VCAM1: variants seen among roughly 807,000 people sequenced by gnomAD.
VCAM1 encodes vascular cell adhesion molecule 1.
In VCAM1, 41 loss-of-function variants were observed where a neutral mutation model predicts 63.8. That is an observed-to-expected ratio of 0.64 (90% CI 0.50 to 0.83). VCAM1 has a LOEUF of 0.83. Among genes scored for constraint, VCAM1 ranks in the 40% least tolerant of loss-of-function variants. VCAM1 has a pLI of 0.00. For missense variants in VCAM1, 798 were observed against 875.5 expected (o/e 0.91, Z 1.12); for synonymous variants, 338 against 320.7 (o/e 1.05, Z -0.58).
Position 100,738,258 on chromosome 1 carries a change from T to C in VCAM1, c.2195T>C (p.Val732Ala), listed in dbSNP as rs1660730199. The C allele has an allele frequency of 6.2e-7, 1 of 1,613,456 alleles. No individual in the cohort carries two copies. Among genetic ancestry groups the C allele is most frequent in the Non-Finnish European group, 8.5e-7 (1 of 1,179,666 alleles). The change falls in exon 9 of 9, where the codon GTA becomes GCA. Residue 732 changes from valine (V) to alanine (A), a missense_variant. Coordinates refer to ENST00000294728, the MANE Select transcript of VCAM1 (RefSeq NM_001078.4). ...KANMKGSYSL[V>A]EAQKSKV ...AACATGAAGGGGTCATATAGTCTTGTAGAAGCACAGAAGTCAAAAGTGTAG... is the reference window on the plus strand; with the variant it reads ...AACATGAAGGGGTCATATAGTCTTGCAGAAGCACAGAAGTCAAAAGTGTAG...
In VCAM1 at chr1:100,729,127, A is replaced by G. The variant is rs758576380; in HGVS notation, c.949A>G (p.Ile317Val). The G allele has an allele frequency of 7.0e-6, 11 of 1,568,486 alleles. No homozygotes were observed. The highest frequency in any genetic ancestry group is 9.5e-6 in the Non-Finnish European group (11 of 1,154,770). ...IVQEKPFTVEISPGPRIAAQI... is the reference protein window; with the variant it reads ...IVQEKPFTVEVSPGPRIAAQI... Reference sequence around the variant, plus strand: ...CCCAGAGAAACCATTTACTGTTGAGATCTCCCCTGGACCCCGGATTGCTGC... The same window carrying G: ...CCCAGAGAAACCATTTACTGTTGAGGTCTCCCCTGGACCCCGGATTGCTGC... Residue 317 changes from isoleucine (I) to valine (V), a missense_variant, in exon 5 of 9, where the codon ATC (isoleucine) becomes GTC (valine). Physicochemically the swap from Ile to Val is conservative, Grantham distance 29 (BLOSUM62 3). Transcript: ENST00000294728.
Position 100,734,666 on chromosome 1 carries a change from T to C in VCAM1, c.1957T>C (p.Tyr653His), listed in dbSNP as rs749389467. The C allele has an allele frequency of 1.2e-5, 20 of 1,613,860 alleles. No individual in the cohort carries two copies. Among genetic ancestry groups the C allele is most frequent in the Non-Finnish European group, 1.6e-5 (19 of 1,179,924 alleles). Residue 653 changes from tyrosine (Y) to histidine (H), a missense_variant, in exon 8 of 9, where the codon TAT becomes CAT. Transcript: ENST00000294728. ...AGTACTAAAATCTATAGATGGCGCC[T>C]ATACCATCCGAAAGGCCCAGTTGAA... ...DTVLKSIDGA[Y>H]TIRKAQLKDA...
intron 5 of VCAM1, 48 bp downstream of exon 5, chr1:100,729,430 T>G (rs1301829835): frequency 6.7e-7 from 1 of 1,495,128 alleles, no homozygotes; most frequent in Non-Finnish European, 8.9e-7. Context: ...TCAGTTCTAT[T>G]GGAAGAAAAA....
chr1:100,728,215 G>A (rs977693673), intron 4 of VCAM1, among the ~76,000 whole-genome samples: 4 of 152,004 alleles, frequency 2.6e-5, no homozygotes, highest in African/African-American at 9.7e-5. Flanking sequence ...CTCACATCTC[G>A]GCTTTCAGAC....
At chr1:100,722,875 T>A (rs1660002274) in intron 2 of VCAM1, 145 bp from the exon 3 acceptor site, 1 of 919,114 alleles carries the variant, frequency 1.1e-6, no homozygotes, top group African/African-American at 1.7e-5. Flanking sequence ...TCACCCCAAA[T>A]CATGAAAGGC....
In VCAM1 at chr1:100,723,237, T is replaced by C; in HGVS notation, c.558T>C (p.Ile186=). 1 of 1,613,030 alleles carries C rather than the reference T, an allele frequency of 6.2e-7. No homozygotes were observed. The highest frequency in any genetic ancestry group is 8.5e-7 in the Non-Finnish European group (1 of 1,179,386). ...TGGAAGTAACCTTTACTCCTGTCATTGAGGATATTGGAAAAGTTCTTGTTT... is the reference window on the plus strand; with the variant it reads ...TGGAAGTAACCTTTACTCCTGTCATCGAGGATATTGGAAAAGTTCTTGTTT... ...KSLEVTFTPV[I]EDIGKVLVCR... The change falls in exon 3 of 9, where the codon ATT becomes ATC. Residue 186 remains isoleucine (I), a synonymous_variant. Transcript: ENST00000294728.
Position 100,732,606 on chromosome 1 carries a change from G to A in VCAM1, c.1714G>A (p.Glu572Lys). ...ATLTLISTKMEDSGVYLCEGI... is the reference protein window; with the variant it reads ...ATLTLISTKMKDSGVYLCEGI... ...TCTCACCTTAATTTCTACAAAAATGGAAGATTCTGGGGTTTATTTATGTGA... is the reference window on the plus strand; with the variant it reads ...TCTCACCTTAATTTCTACAAAAATGAAAGATTCTGGGGTTTATTTATGTGA... Residue 572 changes from glutamate (E) to lysine (K), a missense_variant, in exon 7 of 9, where the codon GAA (glutamate) becomes AAA (lysine). Transcript: ENST00000294728. The A allele has an allele frequency of 1.2e-6, 2 of 1,613,278 alleles. No individual in the cohort carries two copies.
In VCAM1 at chr1:100,738,120, C is replaced by T. The variant is rs1660722115; in HGVS notation, c.2060-3C>T. The T allele has an allele frequency of 6.2e-7, 1 of 1,610,900 alleles. No individual in the cohort carries two copies. Among genetic ancestry groups the T allele is most frequent in the African/African-American group, 1.3e-5 (1 of 74,842 alleles). ...TAATTGCATCCATTTTGTTATTTTC[C>T]AGGAAGAGAAAACAACAAAGACTAT... is the stretch of plus-strand genomic sequence containing the variant. On this transcript the variant is annotated splice_region_variant and splice_polypyrimidine_tract_variant and intron_variant, in intron 8 of 8. Transcript: ENST00000294728.
At chr1:100,738,043 A>G in intron 8 of VCAM1, 80 bp from the exon 9 acceptor site, 1 of 1,472,282 alleles carries the variant, frequency 6.8e-7, no homozygotes, top group South Asian at 1.3e-5. Context: ...TTGTACTGTT[A>G]TAATAAACAT....
At chr1:100,721,314 G>T (rs3176859) in intron 2 of VCAM1, among the ~76,000 whole-genome samples, 2,465 of 151,198 alleles carry the variant, frequency 0.016, 79 homozygotes, top group East Asian at 0.13. Flanking sequence ...TTTTTTTTTG[G>T]TTTTTTTGGT....
Position 100,731,654 on chromosome 1 carries a change from G to T in VCAM1, c.1525+136G>T. 1 of 843,448 alleles carries T rather than the reference G, an allele frequency of 1.2e-6. No homozygotes were observed. Among genetic ancestry groups the T allele is most frequent in the Admixed American group, 3.0e-5 (1 of 33,848 alleles). The allele number at this position is 843,448 out of a possible 1,614,324, so 52.2% of individuals were successfully genotyped here. A position where few individuals can be genotyped will look rare whatever the true frequency, so the allele number is the denominator to read the frequency against. ...TACTGAAAAGAAATTTCAAAATAAT[G>T]ATGATTGTAACAAATCACCCTCCCT... On this transcript the variant is annotated intron_variant, in intron 6 of 8. Coordinates refer to ENST00000294728, the MANE Select transcript of VCAM1 (RefSeq NM_001078.4). This position sits in a 1 kb window ranked among gnomAD's most constrained non-coding sequence, Gnocchi z 4.2.
rs1660458888 is a variant in VCAM1 at position 100,731,564 on chromosome 1, A to T, written c.1525+46A>T. 6.6e-7 allele frequency: 1 copy of T among 1,525,298 alleles called. No individual in the cohort carries two copies. The highest frequency in any genetic ancestry group is 1.9e-5 in the Admixed American group (1 of 51,956). 94.5% of individuals were successfully genotyped at this position (1,525,298 alleles called of 1,614,324 possible). ...TCTACAGTTTAATACCTGTCTCTTT[A>T]TCGTGTTTGCCAGGCAATAGTTAAC... is the stretch of plus-strand genomic sequence containing the variant. On this transcript the variant is annotated intron_variant, in intron 6 of 8. Coordinates refer to ENST00000294728, the MANE Select transcript of VCAM1 (RefSeq NM_001078.4). The surrounding 1 kb of genome is among the most constrained non-coding windows in gnomAD (Gnocchi z 4.2).
chr1:100,725,270 C>T (rs1660122545), intron 4 of VCAM1, among the ~76,000 whole-genome samples: 1 of 151,872 alleles, frequency 6.6e-6, no homozygotes, highest in Admixed American at 6.6e-5. Context: ...AATTCATGTT[C>T]CAATTCCATG....
Position 100,738,900 on chromosome 1 carries a change from A to G in VCAM1, c.*617A>G, listed in dbSNP as rs1284126033. 2.0e-5 allele frequency: 3 copies of G among 152,212 alleles called. No individual in the cohort carries two copies. Among genetic ancestry groups the G allele is most frequent in the Admixed American group, 6.5e-5 (1 of 15,280 alleles). 9.4% of individuals were successfully genotyped at this position (152,212 alleles called of 1,614,324 possible). A position where few individuals can be genotyped will look rare whatever the true frequency, so the allele number is the denominator to read the frequency against. The stretch of plus-strand genomic sequence containing the variant: ...CTGGGTTTCTCTGTATAGTACTGGC[A>G]TGGTACGGAGATGTTTCACGAAGTT... On this transcript the variant is annotated 3_prime_UTR_variant, in exon 9 of 9. Coordinates refer to ENST00000294728, the MANE Select transcript of VCAM1 (RefSeq NM_001078.4).
intron 4 of VCAM1, 75 bp from the exon 5 acceptor site, chr1:100,729,006 CTGAAAGGAGATCAGGAAAAATAAAGA>C (rs1660287071): frequency 1.5e-6 from 2 of 1,336,494 alleles, no homozygotes; most frequent in Admixed American, 5.3e-5. Context: ...TGGATATTAG[CTGAAAGGAGATCAGGAAAAATAAAGA>C]TCATATGTCA....
chr1:100,727,364 A>C (rs1660202709), intron 4 of VCAM1, among the ~76,000 whole-genome samples: 1 of 152,084 alleles, frequency 6.6e-6, no homozygotes, highest in East Asian at 1.9e-4. Context: ...GATTAAAATA[A>C]AAATCAAACT....
intron 5 of VCAM1, among the ~76,000 whole-genome samples, chr1:100,729,644 C>A (rs1368033052): frequency 6.6e-6 from 1 of 152,100 alleles, no homozygotes; most frequent in Non-Finnish European, 1.5e-5. Context: ...CTTGAACACA[C>A]TCCATGCTGG....
At chr1:100,730,883 A>T (rs1660428729) in intron 5 of VCAM1, among the ~76,000 whole-genome samples, 1 of 152,170 alleles carries the variant, frequency 6.6e-6, no homozygotes, top group South Asian at 2.1e-4. Flanking sequence ...ACTAAATAAG[A>T]TGGTGGAAAC....
chr1:100,722,980 T>C, intron 2 of VCAM1, 40 bp from the exon 3 acceptor site: 1 of 1,567,620 alleles, frequency 6.4e-7, no homozygotes, highest in African/African-American at 1.4e-5. Flanking sequence ...TATATCACAT[T>C]AGCAAAAAGC....
Sources: allele counts gnomAD v4.1 joint callset (sites outside exome capture counted in the v4.1 genomes callset), GRCh38; gene constraint gnomAD v4.1.1; non-coding constraint Gnocchi (gnomAD v3.1); transcripts MANE v1.5; gene names NCBI Gene and HGNC (gene_info 2026-07-23, HGNC 2026-07-21).